The following RUBCN variants were observed in gnomAD, a reference collection of about 807,000 sequenced individuals.
RUBCN encodes run domain Beclin-1-interacting and cysteine-rich domain-containing protein.
A neutral mutation model predicts 113.2 loss-of-function variants in RUBCN; 74 were observed. The ratio of observed to expected loss-of-function variants is 0.65; its 90% CI spans 0.54 to 0.79. RUBCN has a LOEUF of 0.79. Ranked by LOEUF, RUBCN falls within the 30% of genes least tolerant of loss-of-function variation. The pLI, the probability that RUBCN is intolerant of heterozygous loss-of-function variation, is 0.00. For synonymous variants in RUBCN, 480 were observed against 490.0 expected, an observed-to-expected ratio of 0.98 and a Z score of 0.27; for missense variants, 1,109 against 1,251.7, an observed-to-expected ratio of 0.89 and a Z score of 1.72.
chr3:197,680,737 C>G (rs1049021279), intron 16 of RUBCN, among the ~76,000 whole-genome samples: 1 of 152,144 alleles, frequency 6.6e-6, no homozygotes, highest in Non-Finnish European at 1.5e-5. Context: ...TTACTCGATA[C>G]CCGATTCCTC....
At chr3:197,684,908 G>A (rs1242823119) in intron 11 of RUBCN, among the ~76,000 whole-genome samples, 1 of 152,074 alleles carries the variant, frequency 6.6e-6, no homozygotes, top group African/African-American at 2.4e-5. Context: ...CCTCTAACAT[G>A]TCATCACTGT....
intron 1 of RUBCN, among the ~76,000 whole-genome samples, chr3:197,720,766 TAG>T (rs1026368190): frequency 3.9e-5 from 6 of 152,144 alleles, no homozygotes; most frequent in African/African-American, 1.4e-4. Flanking sequence ...CTGCAATAAA[TAG>T]AGGAGTGCAG....
Position 197,670,393 on chromosome 3 carries a change from A to G in RUBCN, c.*4625T>C, listed in dbSNP as rs955033427. Among the ~76,000 whole-genome samples the G allele has an allele frequency of 6.6e-6, 1 of 152,262 alleles. No individual in the cohort carries two copies. Among genetic ancestry groups the G allele is most frequent in the East Asian group, 1.9e-4 (1 of 5,202 alleles). On this transcript the variant is annotated 3_prime_UTR_variant, in exon 20 of 20. Coordinates refer to ENST00000296343, the MANE Select transcript of RUBCN (RefSeq NM_014687.4). ...TTGACGGATGATTGAATGAATAAATAAATGCTGGGCTGCCATTGTGAATCA... is the reference window on the plus strand; with the variant it reads ...TTGACGGATGATTGAATGAATAAATGAATGCTGGGCTGCCATTGTGAATCA...
rs569211154 is a variant in RUBCN at position 197,706,490 on chromosome 3, T to C, written c.220-1315A>G. 9.9e-5 allele frequency among the ~76,000 whole-genome samples: 15 copies of C among 152,104 alleles called. No individual in the cohort carries two copies. In the South Asian group the frequency reaches 2.7e-3, roughly 27 times the overall value. On this transcript the variant is annotated intron_variant, in intron 2 of 19. Transcript: ENST00000296343. ...TTGAGCCCAGAGTTTGAGACCAGCC[T>C]GGGCAACATAGCGAGACCCCATCTC...
At chr3:197,730,313 C>T (rs900500342) in intron 1 of RUBCN, among the ~76,000 whole-genome samples, 2 of 152,136 alleles carry the variant, frequency 1.3e-5, no homozygotes, top group Non-Finnish European at 2.9e-5. Context: ...GCCCATACCC[C>T]GACCACAAGA....
At chr3:197,715,244 G>A (rs1359765481) in intron 2 of RUBCN, among the ~76,000 whole-genome samples, 2 of 148,210 alleles carry the variant, frequency 1.3e-5, no homozygotes, top group African/African-American at 5.0e-5. Flanking sequence ...AGCCGAGATC[G>A]TGCCACTGCA....
At chr3:197,716,174 C>T (rs1472621475) in intron 2 of RUBCN, among the ~76,000 whole-genome samples, 1 of 152,216 alleles carries the variant, frequency 6.6e-6, no homozygotes, top group African/African-American at 2.4e-5. Context: ...GTCGCTCAGG[C>T]TGGAGCGCGG....
intron 9 of RUBCN, among the ~76,000 whole-genome samples, chr3:197,695,538 C>T (rs1722910133): frequency 6.6e-6 from 1 of 152,130 alleles, no homozygotes; most frequent in Admixed American, 6.6e-5. Context: ...GAATTTGAGG[C>T]TGTAGTGAGC....
chr3:197,734,376 C>T (rs1727877161), intron 1 of RUBCN, among the ~76,000 whole-genome samples: 1 of 151,086 alleles, frequency 6.6e-6, no homozygotes, highest in African/African-American at 2.4e-5. Flanking sequence ...TTGAGACCAG[C>T]CTAGGCAACA....
At chr3:197,688,524 G>A (rs1349067304) in intron 11 of RUBCN, among the ~76,000 whole-genome samples, 3 of 152,158 alleles carry the variant, frequency 2.0e-5, no homozygotes, top group African/African-American at 7.2e-5. Context: ...AAATTACTGT[G>A]TAGTTTCTGT....
rs755947296 is a variant in RUBCN at position 197,701,884 on chromosome 3, C to A, written c.571-20G>T. Reference sequence around the variant, plus strand: ...GGCAAACTAAAAAGCAAAACAAAACCAAAAAATGTGTCAGAGTTAAGGACA... The same window carrying A: ...GGCAAACTAAAAAGCAAAACAAAACAAAAAAATGTGTCAGAGTTAAGGACA... On this transcript the variant is annotated intron_variant, in intron 5 of 19. Coordinates refer to ENST00000296343, the MANE Select transcript of RUBCN (RefSeq NM_014687.4). The A allele has an allele frequency of 3.1e-6, 5 of 1,613,024 alleles. No homozygotes were observed. In the South Asian group the frequency reaches 5.5e-5, roughly 18 times the overall value.
Position 197,681,130 on chromosome 3 carries a change from C to T in RUBCN, c.2429G>A (p.Arg810Gln), listed in dbSNP as rs141198920. Residue 810 changes from arginine to glutamine, a missense_variant and splice_region_variant, in exon 16 of 20, where the codon CGG (arginine) becomes CAG (glutamine). By Grantham distance (43) the Arg-to-Gln change is conservative (BLOSUM62 1). Transcript: ENST00000296343. This position sits in a 1 kb window ranked among gnomAD's most constrained non-coding sequence, Gnocchi z 5.5. ...AGGTGGCCTTTTCCAAGGTCTTACCCGGACTTGATTGAGCAGCTTGACCTT... is the reference window on the plus strand; with the variant it reads ...AGGTGGCCTTTTCCAAGGTCTTACCTGGACTTGATTGAGCAGCTTGACCTT... ...YRKVKLLNQV[R>Q]LLRVQLCHMK... 9.4e-4 allele frequency: 1,514 copies of T among 1,608,634 alleles called. 1 individual carries two copies. Among genetic ancestry groups the T allele is most frequent in the Non-Finnish European group, 1.1e-3 (1,284 of 1,175,294 alleles).
intron 18 of RUBCN, chr3:197,676,438 C>G (rs569926827): frequency 1.5e-6 from 1 of 680,220 alleles, no homozygotes. Flanking sequence ...CTCAGCCTCC[C>G]GAGTAGCTGG....
Position 197,700,623 on chromosome 3 carries a change from C to T in RUBCN, c.1251G>A (p.Arg417=), listed in dbSNP as rs2108902419. 4 of 1,614,130 alleles carry T rather than the reference C, an allele frequency of 2.5e-6. No homozygotes were observed. Among genetic ancestry groups the T allele is most frequent in the Non-Finnish European group, 3.4e-6 (4 of 1,180,014 alleles). ...GGTGTTCCTCATTACCTGGAGCTCC[C>T]CTGGAGGCAATGCTGGTATCCGAAT... ...RSHSDTSIAS[R]GAPESCNDKA... The change falls in exon 7 of 20, where the codon AGG becomes AGA. Residue 417 remains arginine, a synonymous_variant. Coordinates refer to ENST00000296343, the MANE Select transcript of RUBCN (RefSeq NM_014687.4).
At chr3:197,729,238 T>C (rs1328565583) in intron 1 of RUBCN, among the ~76,000 whole-genome samples, 13 of 149,070 alleles carry the variant, frequency 8.7e-5, no homozygotes, top group Admixed American at 8.6e-4. Context: ...ACATTGCTTT[T>C]GTTTTTTTTG....
Position 197,712,039 on chromosome 3 carries a change from G to C in RUBCN, c.219+5938C>G, listed in dbSNP as rs112872944. On this transcript the variant is annotated intron_variant, in intron 2 of 19. Coordinates refer to ENST00000296343, the MANE Select transcript of RUBCN (RefSeq NM_014687.4). ...ATATATTACCTACATTACATATTCAGAAAAAAACCACAGAGGTCTTTTTTT... is the reference window on the plus strand; with the variant it reads ...ATATATTACCTACATTACATATTCACAAAAAAACCACAGAGGTCTTTTTTT... Among the ~76,000 whole-genome samples, 1,386 of 151,884 alleles carry C rather than the reference G, an allele frequency of 9.1e-3. 16 individuals carry two copies. Among genetic ancestry groups the C allele is most frequent in the South Asian group, 0.042 (204 of 4,804 alleles).
chr3:197,694,583 C>T lies in RUBCN; in HGVS notation c.1476G>A (p.Glu492=), dbSNP rs1227611266. 2.0e-5 allele frequency: 32 copies of T among 1,613,886 alleles called. No homozygotes were observed. The highest frequency in any genetic ancestry group is 2.7e-5 in the African/African-American group (2 of 74,900). ...DFGSCADLEK[E]NAHFSISESL... ...ACTCTGAGATGCTGAAGTGGGCATTCTCCTGGCGGAAGGAGAGCACCAAAC... is the reference window on the plus strand; with the variant it reads ...ACTCTGAGATGCTGAAGTGGGCATTTTCCTGGCGGAAGGAGAGCACCAAAC... Residue 492 remains glutamate, a splice_region_variant and synonymous_variant, in exon 10 of 20, where the codon GAG becomes GAA. Transcript: ENST00000296343.
chr3:197,682,691 C>A lies in RUBCN; in HGVS notation c.1981-76G>T. 1.9e-6 allele frequency: 3 copies of A among 1,588,158 alleles called. No individual in the cohort carries two copies. In the South Asian group the frequency reaches 3.3e-5, roughly 18 times the overall value. ...TCATCTGGTGAGATGGGCAGTGAGT[C>A]AGGGATGGGCAGGAGAAAAACACAG... On this transcript the variant is annotated intron_variant, in intron 13 of 19. Coordinates refer to ENST00000296343, the MANE Select transcript of RUBCN (RefSeq NM_014687.4).
At chr3:197,727,907 G>A (rs1245948794) in intron 1 of RUBCN, among the ~76,000 whole-genome samples, 1 of 152,254 alleles carries the variant, frequency 6.6e-6, no homozygotes, top group Non-Finnish European at 1.5e-5. Flanking sequence ...AATAGCAATG[G>A]CACGGGAGGA....
Sources: gnomAD v4.1 joint callset for allele counts (sites outside exome capture counted in the v4.1 genomes callset) on GRCh38, gnomAD v4.1.1 for gene constraint, Gnocchi (gnomAD v3.1) non-coding constraint, MANE v1.5 for transcripts, NCBI Gene and HGNC (gene_info 2026-07-23, HGNC 2026-07-21) for gene names.